NSUN6: variants seen among roughly 807,000 people sequenced by gnomAD.
NSUN6 encodes NOP2/Sun RNA methyltransferase 6, also known as tRNA (cytosine(72)-C(5))-methyltransferase NSUN6.
NSUN6 carries 64 observed loss-of-function variants against 58.0 expected under a neutral mutation model. The ratio of observed to expected loss-of-function variants is 1.10; its 90% CI spans 0.90 to 1.36. The LOEUF (loss-of-function observed/expected upper bound fraction) is 1.36, where lower values mean the gene tolerates loss of function less well. NSUN6 is among the 40% of genes most tolerant of loss of function. NSUN6 has a pLI of 0.00. For missense variants in NSUN6, 701 were observed against 550.1 expected, an observed-to-expected ratio of 1.27 and a Z score of -2.74; for synonymous variants, 231 against 193.9, an observed-to-expected ratio of 1.19 and a Z score of -1.59.
chr10:18,625,963 C>T (rs1490073497), intron 3 of NSUN6, among the ~76,000 whole-genome samples: 1 of 151,842 alleles, frequency 6.6e-6, no homozygotes, highest in Non-Finnish European at 1.5e-5. Flanking sequence ...TACTATGTGG[C>T]CTGAAACGAC....
intron 5 of NSUN6, among the ~76,000 whole-genome samples, chr10:18,610,638 T>C (rs528912319): frequency 3.7e-4 from 56 of 152,192 alleles, no homozygotes; most frequent in African/African-American, 1.1e-3. Context: ...AGGAGTGGCA[T>C]TGAAAATGAT....
At chr10:18,594,638 G>C (rs2057513269) in intron 7 of NSUN6, among the ~76,000 whole-genome samples, 1 of 152,078 alleles carries the variant, frequency 6.6e-6, no homozygotes, top group African/African-American at 2.4e-5. Context: ...TTTTAGTAGA[G>C]ATGGGGTTTC....
chr10:18,546,906 AGAAG>A (rs2054300459), intron 10 of NSUN6, among the ~76,000 whole-genome samples: 1 of 151,738 alleles, frequency 6.6e-6, no homozygotes, highest in South Asian at 2.1e-4. Context: ...AAAAGAAAAG[AGAAG>A]GAAGGGAGTG....
At chr10:18,559,235 G>A (rs375775227) in intron 8 of NSUN6, among the ~76,000 whole-genome samples, 4 of 150,308 alleles carry the variant, frequency 2.7e-5, no homozygotes, top group African/African-American at 9.8e-5. Flanking sequence ...AATGGAATGG[G>A]GAATGGAATG....
At chr10:18,637,862 G>A (rs763353204) in intron 3 of NSUN6, among the ~76,000 whole-genome samples, 2 of 152,198 alleles carry the variant, frequency 1.3e-5, no homozygotes, top group Non-Finnish European at 2.9e-5. Context: ...AAAACAAATT[G>A]CAGAATATTA....
chr10:18,651,411 A>C lies in NSUN6; in HGVS notation c.-208T>G. ...GAAGGGGCTGCCGGGCTTCCACCAC[A>C]CCTCATCGAGGCAATGTTTTCTGGT... On this transcript the variant is annotated 5_prime_UTR_variant, in exon 1 of 11. Transcript: ENST00000377304. The C allele has an allele frequency of 7.9e-7, 1 of 1,260,232 alleles. No individual in the cohort carries two copies. The highest frequency in any genetic ancestry group is 1.0e-6 in the Non-Finnish European group (1 of 1,003,466). The allele number at this position is 1,260,232 out of a possible 1,614,324, so 78.1% of individuals were successfully genotyped here. A position where few individuals can be genotyped will look rare whatever the true frequency, so the allele number is the denominator to read the frequency against.
intron 3 of NSUN6, among the ~76,000 whole-genome samples, chr10:18,636,044 G>A (rs772357621): frequency 6.6e-5 from 10 of 151,472 alleles, no homozygotes; most frequent in Non-Finnish European, 1.0e-4. Context: ...GATACCACAG[G>A]TTATAAAAAC....
chr10:18,567,660 T>G (rs891642546), intron 8 of NSUN6, among the ~76,000 whole-genome samples: 2 of 150,606 alleles, frequency 1.3e-5, no homozygotes, highest in Non-Finnish European at 3.0e-5. Context: ...CCATTCCTCA[T>G]TGCATTCCAT....
At chr10:18,652,781 A>G (rs1171689820), upstream of NSUN6, 6 of 530,436 alleles carry the variant, frequency 1.1e-5, no homozygotes, top group Non-Finnish European at 1.4e-5. Flanking sequence ...GCTGGTCTCA[A>G]ACTCCTGACT....
intron 5 of NSUN6, among the ~76,000 whole-genome samples, chr10:18,611,843 T>C (rs1191574163): frequency 6.6e-6 from 1 of 152,130 alleles, no homozygotes; most frequent in Non-Finnish European, 1.5e-5. Flanking sequence ...GTTCCTGGAA[T>C]AACGGGTATG....
chr10:18,553,192 C>G (rs1009798903), intron 8 of NSUN6, among the ~76,000 whole-genome samples: 2 of 151,854 alleles, frequency 1.3e-5, no homozygotes, highest in Non-Finnish European at 2.9e-5. Context: ...ATTCTCCATT[C>G]CATTCCATTG....
chr10:18,622,711 G>C (rs533227923), intron 3 of NSUN6, among the ~76,000 whole-genome samples: 19 of 152,190 alleles, frequency 1.2e-4, no homozygotes, highest in East Asian at 3.9e-4. Context: ...CTCCGCCTTG[G>C]GGGGAAAAAG....
Position 18,595,752 on chromosome 10 carries a change from C to A in NSUN6, c.777+456G>T, listed in dbSNP as rs142054550. The stretch of plus-strand genomic sequence containing the variant: ...TTTTTTATTGGAGATCTTTCTTAGA[C>A]CAAAATGATAACTTCAAATAGTAAA... On this transcript the variant is annotated intron_variant, in intron 7 of 10. Coordinates refer to ENST00000377304, the MANE Select transcript of NSUN6 (RefSeq NM_182543.5). Among the ~76,000 whole-genome samples the A allele has an allele frequency of 1.9e-3, 291 of 152,018 alleles. 7 individuals are homozygous for A. The East Asian group carries it at 0.05, about 26-fold the overall frequency.
chr10:18,586,989 A>C (rs1402931255), intron 7 of NSUN6, among the ~76,000 whole-genome samples: 1 of 152,206 alleles, frequency 6.6e-6, no homozygotes, highest in Non-Finnish European at 1.5e-5. Flanking sequence ...CACTCGACCC[A>C]GGAAGTCCAG....
At chr10:18,557,104 G>A (rs12267983) in intron 8 of NSUN6, among the ~76,000 whole-genome samples, 4,809 of 151,374 alleles carry the variant, frequency 0.032, 259 homozygotes, top group African/African-American at 0.11. Flanking sequence ...GGAGAATAGT[G>A]TGCAGAATGG....
chr10:18,591,755 A>G (rs2057386022), intron 7 of NSUN6, among the ~76,000 whole-genome samples: 1 of 152,218 alleles, frequency 6.6e-6, no homozygotes. Flanking sequence ...ACCCGTAGCC[A>G]ACATCATACC....
intron 8 of NSUN6, among the ~76,000 whole-genome samples, chr10:18,581,886 T>C (rs2056920266): frequency 2.6e-5 from 4 of 152,106 alleles, no homozygotes; most frequent in Admixed American, 2.0e-4. Context: ...GTCATTCTTT[T>C]ATTCCTCTAC....
chr10:18,593,442 G>C (rs981232567), intron 7 of NSUN6, among the ~76,000 whole-genome samples: 1 of 152,112 alleles, frequency 6.6e-6, no homozygotes, highest in East Asian at 1.9e-4. Flanking sequence ...CAATAGCAAA[G>C]ACTTGGAACC....
chr10:18,592,403 G>GTA (rs1278586138), intron 7 of NSUN6, among the ~76,000 whole-genome samples: 2 of 152,182 alleles, frequency 1.3e-5, no homozygotes, highest in Admixed American at 1.3e-4. Context: ...AAAAGGGCAA[G>GTA]TATAGCCAAG....
Sources: gnomAD v4.1 joint callset for allele counts (sites outside exome capture counted in the v4.1 genomes callset) on GRCh38, gnomAD v4.1.1 for gene constraint, MANE v1.5 for transcripts, NCBI Gene and HGNC (gene_info 2026-07-23, HGNC 2026-07-21) for gene names.